SGCZ: variants seen among roughly 807,000 people sequenced by gnomAD.
The protein encoded by SGCZ is zeta-sarcoglycan.
SGCZ carries 40 observed loss-of-function variants against 41.3 expected under a neutral mutation model. The observed-to-expected ratio is 0.97, with a 90% CI of 0.75 to 1.26. The LOEUF (loss-of-function observed/expected upper bound fraction) is 1.26, where lower values mean the gene tolerates loss of function less well. SGCZ is among the 50% of genes most tolerant of loss of function. The pLI is 0.00. For missense variants in SGCZ, 552 were observed against 369.8 expected (o/e 1.49, Z -4.04); for synonymous variants, 206 against 137.5 (o/e 1.50, Z -3.49).
At chr8:14,627,150 G>C (rs139436767) in intron 1 of SGCZ, among the ~76,000 whole-genome samples, 3 of 152,252 alleles carry the variant, frequency 2.0e-5, no homozygotes, top group South Asian at 2.1e-4. Flanking sequence ...AGTAAAATAT[G>C]TATTCTTTGA....
At chr8:14,686,476 T>C (rs376094487) in intron 1 of SGCZ, among the ~76,000 whole-genome samples, 3 of 151,974 alleles carry the variant, frequency 2.0e-5, no homozygotes, top group East Asian at 1.9e-4. Flanking sequence ...CTAGGAGTAA[T>C]AGAGTTGGAC....
At chr8:14,825,424 G>C (rs754910848) in intron 1 of SGCZ, among the ~76,000 whole-genome samples, 1 of 152,004 alleles carries the variant, frequency 6.6e-6, no homozygotes, top group Admixed American at 6.6e-5. Context: ...TATAAAAATC[G>C]TTTCATCATT....
At chr8:14,092,575 T>G (rs985567653) in intron 7 of SGCZ, among the ~76,000 whole-genome samples, 1 of 151,946 alleles carries the variant, frequency 6.6e-6, no homozygotes, top group African/African-American at 2.4e-5. Flanking sequence ...CAGTGGGAGA[T>G]AGTTAAATCA....
intron 1 of SGCZ, among the ~76,000 whole-genome samples, chr8:14,723,189 G>A (rs1186373403): frequency 6.6e-6 from 1 of 152,192 alleles, no homozygotes; most frequent in African/African-American, 2.4e-5. Flanking sequence ...TTTTGACTAA[G>A]TCAGCATAAT....
chr8:14,699,215 T>A (rs1288452945), intron 1 of SGCZ, among the ~76,000 whole-genome samples: 1 of 149,644 alleles, frequency 6.7e-6, no homozygotes, highest in Non-Finnish European at 1.5e-5. Context: ...TGAATTTATA[T>A]ATAATATATA....
chr8:14,970,686 T>C (rs1801263455), intron 1 of SGCZ, among the ~76,000 whole-genome samples: 1 of 152,188 alleles, frequency 6.6e-6, no homozygotes, highest in African/African-American at 2.4e-5. Context: ...ACTAATGCTG[T>C]ACTGACTTTA....
intron 1 of SGCZ, among the ~76,000 whole-genome samples, chr8:14,736,031 A>C (rs938124397): frequency 6.6e-6 from 1 of 152,130 alleles, no homozygotes; most frequent in Non-Finnish European, 1.5e-5. Flanking sequence ...AAAGAAAATC[A>C]CATCACAGGA....
At chr8:14,938,910 C>G (rs555087291) in intron 1 of SGCZ, among the ~76,000 whole-genome samples, 28 of 152,124 alleles carry the variant, frequency 1.8e-4, no homozygotes, top group African/African-American at 5.5e-4. Context: ...TCCCCAAATG[C>G]TGAACCTATG....
chr8:15,095,378 C>A (rs1038850000), intron 1 of SGCZ, among the ~76,000 whole-genome samples: 3 of 152,114 alleles, frequency 2.0e-5, no homozygotes, highest in African/African-American at 7.2e-5. Context: ...GGATTACAGG[C>A]GTGAGCCACT....
chr8:14,915,447 G>A (rs1002573939), intron 1 of SGCZ, among the ~76,000 whole-genome samples: 6 of 152,080 alleles, frequency 3.9e-5, no homozygotes, highest in Non-Finnish European at 8.8e-5. Context: ...GTAAAATCAA[G>A]CTGCAGACAT....
At chr8:14,710,936 T>G (rs1175562961) in intron 1 of SGCZ, among the ~76,000 whole-genome samples, 1 of 152,120 alleles carries the variant, frequency 6.6e-6, no homozygotes, top group Non-Finnish European at 1.5e-5. Flanking sequence ...TAAGAAATAG[T>G]CACAATAACT....
Position 14,445,854 on chromosome 8 carries a change from G to A in SGCZ, c.234+108878C>T, listed in dbSNP as rs527768145. Among the ~76,000 whole-genome samples the A allele has an allele frequency of 1.4e-3, 207 of 152,236 alleles. 5 individuals are homozygous for A. The highest frequency in any genetic ancestry group is 0.013 in the Admixed American group (206 of 15,280). On this transcript the variant is annotated intron_variant, in intron 2 of 7. Coordinates refer to ENST00000382080, the MANE Select transcript of SGCZ (RefSeq NM_139167.4). ...TGGGTTCCACACAGATCTTGCTCCT[G>A]CTGGTGCCCAGAGCTGCCAGCTGGA...
At chr8:15,153,618 T>A (rs149445662) in intron 1 of SGCZ, among the ~76,000 whole-genome samples, 8 of 152,082 alleles carry the variant, frequency 5.3e-5, no homozygotes, top group African/African-American at 1.7e-4. Flanking sequence ...TTAAGTGAGC[T>A]CTCGCTCTGA....
At chr8:14,121,261 A>G (rs1342340570) in intron 5 of SGCZ, among the ~76,000 whole-genome samples, 1 of 151,894 alleles carries the variant, frequency 6.6e-6, no homozygotes, top group Non-Finnish European at 1.5e-5. Context: ...TATTGAATAT[A>G]TAATATTAAA....
chr8:14,598,610 C>T (rs1341523800), intron 1 of SGCZ, among the ~76,000 whole-genome samples: 2 of 151,838 alleles, frequency 1.3e-5, no homozygotes, highest in Admixed American at 1.3e-4. Context: ...TCACTGCAGA[C>T]TCGACCCCCC....
intron 1 of SGCZ, among the ~76,000 whole-genome samples, chr8:14,617,727 T>C (rs1003063019): frequency 2.6e-5 from 4 of 152,034 alleles, no homozygotes; most frequent in Non-Finnish European, 4.4e-5. Context: ...TGCAAAGAGA[T>C]AGGAAAACAA....
chr8:14,263,254 A>G (rs1484356325), intron 3 of SGCZ, among the ~76,000 whole-genome samples: 2 of 152,214 alleles, frequency 1.3e-5, no homozygotes, highest in Non-Finnish European at 2.9e-5. Context: ...TTTTAAGTCT[A>G]TGAAAAGATT....
intron 1 of SGCZ, among the ~76,000 whole-genome samples, chr8:14,821,745 G>A (rs4292689): frequency 0.042 from 6,307 of 151,784 alleles, 442 homozygotes; most frequent in African/African-American, 0.14. Flanking sequence ...GGCAGAAAAA[G>A]CATTTGACAA....
At chr8:15,231,064 T>C (rs559728785) in intron 1 of SGCZ, among the ~76,000 whole-genome samples, 5 of 152,320 alleles carry the variant, frequency 3.3e-5, no homozygotes, top group South Asian at 2.1e-4. Context: ...ATCTGTTAGA[T>C]TTACAGTGTG....
Sources: gnomAD v4.1 joint callset for allele counts (sites outside exome capture counted in the v4.1 genomes callset) on GRCh38, gnomAD v4.1.1 for gene constraint, MANE v1.5 for transcripts, NCBI Gene and HGNC (gene_info 2026-07-23, HGNC 2026-07-21) for gene names.